Variants in TARS3 observed in about 807,000 individuals in gnomAD.
TARS3 encodes the protein threonyl-tRNA synthetase 3, also known as threonine--tRNA ligase 2, cytoplasmic.
In TARS3, 94 loss-of-function variants were observed where a neutral mutation model predicts 103.5. The observed-to-expected ratio is 0.91, with a 90% CI of 0.77 to 1.08. The LOEUF (loss-of-function observed/expected upper bound fraction) is 1.08, where lower values mean the gene tolerates loss of function less well. TARS3 is among the 50% of genes least tolerant of loss of function. The pLI, the probability that TARS3 is intolerant of heterozygous loss-of-function variation, is 0.00. For synonymous variants in TARS3, 416 were observed against 355.4 expected (o/e 1.17, Z -1.92); for missense variants, 952 against 995.2 (o/e 0.96, Z 0.58).
chr15:101,675,929 AAGG>A (rs1425520322), intron 12 of TARS3, among the ~76,000 whole-genome samples, 192 bp from the exon 13 acceptor site: 1 of 142,120 alleles, frequency 7.0e-6, no homozygotes, highest in Non-Finnish European at 1.6e-5. Context: ...GGGAATGGAG[AAGG>A]AGTAGGCGAG....
intron 10 of TARS3, among the ~76,000 whole-genome samples, chr15:101,696,763 C>T (rs1899001687): frequency 1.3e-5 from 2 of 152,156 alleles, no homozygotes; most frequent in South Asian, 4.1e-4. Context: ...AACCATTAGG[C>T]TTTCTTTCCT....
chr15:101,681,635 T>C (rs924034041), intron 12 of TARS3, among the ~76,000 whole-genome samples: 3 of 152,206 alleles, frequency 2.0e-5, no homozygotes, highest in African/African-American at 7.2e-5. Flanking sequence ...GAGGGCTTTC[T>C]TCCTAGTTTG....
chr15:101,665,724 G>A lies in TARS3; in HGVS notation c.1968-3908C>T, dbSNP rs141248205. ...AGAAAAATCAGCTTGAGTTTAAGACGGCAAATCTTTCTATAAAACTAGCCA... is the reference window on the plus strand; with the variant it reads ...AGAAAAATCAGCTTGAGTTTAAGACAGCAAATCTTTCTATAAAACTAGCCA... On this transcript the variant is annotated intron_variant, in intron 15 of 18. Transcript: ENST00000335968. 4.4e-3 allele frequency among the ~76,000 whole-genome samples: 663 copies of A among 152,182 alleles called. 4 individuals carry two copies. Among genetic ancestry groups the A allele is most frequent in the Middle Eastern group, 0.024 (7 of 292 alleles).
At chr15:101,686,195 T>A in intron 10 of TARS3, 133 bp from the exon 11 acceptor site, 1 of 734,462 alleles carries the variant, frequency 1.4e-6, no homozygotes, top group African/African-American at 1.8e-5. Context: ...TACCCTCAGT[T>A]TTAGGTGTGG....
At chr15:101,656,792 T>C in intron 18 of TARS3, 130 bp downstream of exon 18, 1 of 633,730 alleles carries the variant, frequency 1.6e-6, no homozygotes, top group Non-Finnish European at 2.7e-6. Flanking sequence ...CTATGGACTC[T>C]TCCTTTTGTG....
intron 6 of TARS3, among the ~76,000 whole-genome samples, chr15:101,706,816 T>C (rs1329255668): frequency 6.6e-6 from 1 of 152,226 alleles, no homozygotes; most frequent in Non-Finnish European, 1.5e-5. Context: ...CTGTTTCGTA[T>C]CTATATATTC....
At chr15:101,672,843 A>G (rs1897865206) in intron 13 of TARS3, among the ~76,000 whole-genome samples, 1 of 152,214 alleles carries the variant, frequency 6.6e-6, no homozygotes, top group African/African-American at 2.4e-5. Context: ...GAAGGAACAC[A>G]GGTACATGTT....
chr15:101,677,648 G>A (rs1419625180), intron 12 of TARS3, among the ~76,000 whole-genome samples: 2 of 152,114 alleles, frequency 1.3e-5, no homozygotes, highest in Non-Finnish European at 2.9e-5. Context: ...ACAGGCACAT[G>A]CCACCACGCC....
chr15:101,686,054 A>G lies in TARS3; in HGVS notation c.1329T>C (p.Tyr443=), dbSNP rs200438088. 8 of 1,604,956 alleles carry G rather than the reference A, an allele frequency of 5.0e-6. No individual in the cohort carries two copies. The highest frequency in any genetic ancestry group is 1.1e-5 in the South Asian group (1 of 89,810). Residue 443 remains tyrosine (Y), a synonymous_variant, in exon 11 of 19, where the codon TAT becomes TAC. Coordinates refer to ENST00000335968, the MANE Select transcript of TARS3 (RefSeq NM_152334.3). ...GCACCTCCGTGAAGTCCCGTTTGTG[A>G]TATTCCTCCTTCAAGATACATGCAT... The part of the protein sequence containing the change: ...NTLTDFIREE[Y]HKRDFTEVLS...
chr15:101,693,330 G>C (rs1898813062), intron 10 of TARS3, among the ~76,000 whole-genome samples: 1 of 152,108 alleles, frequency 6.6e-6, no homozygotes, highest in African/African-American at 2.4e-5. Context: ...ATGGCAGCAG[G>C]CAAGGGACTT....
intron 10 of TARS3, chr15:101,695,908 G>GAAAAAAATAAAAT (rs1567342673): frequency 6.7e-6 from 1 of 149,534 alleles, no homozygotes; most frequent in East Asian, 2.0e-4. Context: ...TCCATCTTAG[G>GAAAAAAATAAAAT]AAAAAAATAA....
chr15:101,723,161 G>C lies in TARS3; in HGVS notation c.301C>G (p.Pro101Ala). 1 of 1,613,514 alleles carries C rather than the reference G, an allele frequency of 6.2e-7. No individual in the cohort carries two copies. The change falls in exon 2 of 19, where the codon CCT (proline) becomes GCT (alanine). Residue 101 changes from proline (P) to alanine (A), a missense_variant. Coordinates refer to ENST00000335968, the MANE Select transcript of TARS3 (RefSeq NM_152334.3). Reference protein sequence around the residue: ...EAAQEAGAQPPPSQSQDKDMK... With the variant: ...EAAQEAGAQPAPSQSQDKDMK... Reference sequence around the variant, plus strand: ...TCCTTGTCTTGGCTTTGACTAGGAGGAGGCTGAAAGATAAATTATAAATGA... The same window carrying C: ...TCCTTGTCTTGGCTTTGACTAGGAGCAGGCTGAAAGATAAATTATAAATGA...
chr15:101,684,625 C>A (rs1332808989), intron 11 of TARS3, among the ~76,000 whole-genome samples: 1 of 152,186 alleles, frequency 6.6e-6, no homozygotes, highest in Non-Finnish European at 1.5e-5. Context: ...CATTATGGCA[C>A]TGGTCTTTTT....
At chr15:101,669,551 C>G (rs1166383781) in intron 15 of TARS3, among the ~76,000 whole-genome samples, 1 of 152,174 alleles carries the variant, frequency 6.6e-6, no homozygotes, top group Non-Finnish European at 1.5e-5. Context: ...TCCGGTTATG[C>G]AAGCTCCATT....
chr15:101,718,008 A>G (rs7163174), intron 3 of TARS3, among the ~76,000 whole-genome samples: 25,156 of 152,206 alleles, frequency 0.17, 2,407 homozygotes, highest in Admixed American at 0.22. Context: ...ATATCAAAAT[A>G]TTTGATAAAA....
intron 11 of TARS3, among the ~76,000 whole-genome samples, chr15:101,684,863 AG>A (rs1422739553): frequency 6.6e-6 from 1 of 152,234 alleles, no homozygotes; most frequent in Non-Finnish European, 1.5e-5. Flanking sequence ...AGGTGTAAAA[AG>A]ACAAACTTAA....
intron 13 of TARS3, among the ~76,000 whole-genome samples, chr15:101,672,914 T>G (rs1208247282): frequency 6.6e-6 from 1 of 152,246 alleles, no homozygotes; most frequent in East Asian, 1.9e-4. Context: ...TTCTGGGGAC[T>G]GCAAGAAGCT....
In TARS3 at chr15:101,661,721, C is replaced by A. The variant is rs2141381608; in HGVS notation, c.2063G>T (p.Gly688Val). Residue 688 changes from glycine to valine, a missense_variant, in exon 16 of 19, where the codon GGC (glycine) becomes GTC (valine). By Grantham distance (109) the Gly-to-Val change is moderately radical. Transcript: ENST00000335968. ...RMIAILSENY[G>V]GKWPFWLSPR... is the part of the protein sequence containing the mutation. ...TTTCCATATCACTTACCATTTTCCG[C>A]CATAGTTTTCTGAAAGAATGGCTAT... The A allele has an allele frequency of 6.3e-7, 1 of 1,598,738 alleles. No individual in the cohort carries two copies. Among genetic ancestry groups the A allele is most frequent in the Non-Finnish European group, 8.5e-7 (1 of 1,170,222 alleles).
intron 12 of TARS3, among the ~76,000 whole-genome samples, chr15:101,682,126 CT>C (rs1299048608): frequency 6.6e-6 from 1 of 152,050 alleles, no homozygotes; most frequent in Non-Finnish European, 1.5e-5. Context: ...TTTTATTTCT[CT>C]TTCTTAACTT....
Sources: allele counts gnomAD v4.1 joint callset (sites outside exome capture counted in the v4.1 genomes callset), GRCh38; gene constraint gnomAD v4.1.1; transcripts MANE v1.5; gene names NCBI Gene and HGNC (gene_info 2026-07-23, HGNC 2026-07-21).